KLF5: variants seen among roughly 807,000 people sequenced by gnomAD.
KLF5 encodes KLF transcription factor 5.
Under a neutral mutation model 36.9 loss-of-function variants are expected in KLF5, and 9 were observed. That is an observed-to-expected ratio of 0.24 (90% CI 0.15 to 0.43). The LOEUF is 0.43. Ranked by LOEUF, KLF5 falls within the 20% of genes least tolerant of loss-of-function variation. KLF5 has a pLI of 1.00. For missense variants in KLF5, 524 were observed against 599.5 expected (o/e 0.87, Z 1.31); for synonymous variants, 246 against 241.7 (o/e 1.02, Z -0.17).
chr13:73,075,614 A>T, intron 3 of KLF5, 94 bp from the exon 4 acceptor site: 1 of 1,123,798 alleles, frequency 8.9e-7, no homozygotes, highest in South Asian at 1.9e-5. Flanking sequence ...CGCTTGGCCA[A>T]GATTTTTTTT....
At chr13:73,075,637 C>T (rs1383650959) in intron 3 of KLF5, 71 bp from the exon 4 acceptor site, 9 of 1,273,048 alleles carry the variant, frequency 7.1e-6, no homozygotes, top group African/African-American at 6.0e-5. Flanking sequence ...CTTTGAAATT[C>T]CTTCTCCGGT....
Position 73,076,188 on chromosome 13 carries a change from C to A in KLF5, c.*302C>A. The A allele has an allele frequency of 3.8e-6, 1 of 262,764 alleles. No individual in the cohort carries two copies. The highest frequency in any genetic ancestry group is 7.1e-6 in the Non-Finnish European group (1 of 140,528). 16.3% of individuals were successfully genotyped at this position (262,764 alleles called of 1,614,324 possible). On this transcript the variant is annotated 3_prime_UTR_variant, in exon 4 of 4. Coordinates refer to ENST00000377687, the MANE Select transcript of KLF5 (RefSeq NM_001730.5). Reference sequence around the variant, plus strand: ...GGGTGGGGGTGGAGGGGAGTGTGTGCAGCGTTTTTACCTAGGCACCATCAT... The same window carrying A: ...GGGTGGGGGTGGAGGGGAGTGTGTGAAGCGTTTTTACCTAGGCACCATCAT...
At chr13:73,068,629 A>G (rs959835121) in intron 3 of KLF5, among the ~76,000 whole-genome samples, 1 of 147,866 alleles carries the variant, frequency 6.8e-6, no homozygotes, top group African/African-American at 2.5e-5. Context: ...GTTTGAACCC[A>G]CGAGGCGGAG....
intron 3 of KLF5, among the ~76,000 whole-genome samples, chr13:73,066,640 T>C (rs1427824938): frequency 6.6e-6 from 1 of 152,248 alleles, no homozygotes; most frequent in Non-Finnish European, 1.5e-5. Flanking sequence ...TGAGTTTAAT[T>C]ACTTCTTCTG....
chr13:73,073,083 A>G (rs1404977380), intron 3 of KLF5, among the ~76,000 whole-genome samples: 2 of 152,244 alleles, frequency 1.3e-5, no homozygotes, highest in Non-Finnish European at 2.9e-5. Context: ...TAAAAATCCA[A>G]TTAAACTTTT....
Position 73,059,193 on chromosome 13 carries a change from C to A in KLF5, c.-135C>A. On this transcript the variant is annotated 5_prime_UTR_variant, in exon 1 of 4. Coordinates refer to ENST00000377687, the MANE Select transcript of KLF5 (RefSeq NM_001730.5). ...CGTGCGCGCCTTCGAAAACTGCCTG[C>A]CGCTGTCTGAGGAGTCCACCCGAAA... is the stretch of plus-strand genomic sequence containing the variant. 2 of 796,634 alleles carry A rather than the reference C, an allele frequency of 2.5e-6. No homozygotes were observed. Among genetic ancestry groups the A allele is most frequent in the Non-Finnish European group, 3.4e-6 (2 of 587,226 alleles). 49.3% of individuals were successfully genotyped at this position (796,634 alleles called of 1,614,324 possible).
chr13:73,059,999 C>G (rs1048928487), intron 1 of KLF5, among the ~76,000 whole-genome samples: 1 of 151,762 alleles, frequency 6.6e-6, no homozygotes, highest in Non-Finnish European at 1.5e-5. Flanking sequence ...CCATCCCCAT[C>G]GTCTCGGGTT....
chr13:73,059,676 C>T, intron 1 of KLF5, 88 bp downstream of exon 1: 1 of 1,025,508 alleles, frequency 9.8e-7, no homozygotes, highest in Non-Finnish European at 1.2e-6. Flanking sequence ...GGGGCCGCTC[C>T]AGGCTGGGGC....
chr13:73,061,847 C>G lies in KLF5; in HGVS notation c.262-14C>G, dbSNP rs769389763. The G allele has an allele frequency of 3.1e-6, 5 of 1,604,854 alleles. No individual in the cohort carries two copies. The South Asian group carries it at 4.4e-5, about 14-fold the overall frequency. On this transcript the variant is annotated splice_polypyrimidine_tract_variant and intron_variant, in intron 1 of 3. Transcript: ENST00000377687. Reference sequence around the variant, plus strand: ...ATCAGGTGGATTATGCATTTTATATCTCTTCTTTTTTAGACAAGATGTGAA... The same window carrying G: ...ATCAGGTGGATTATGCATTTTATATGTCTTCTTTTTTAGACAAGATGTGAA...
chr13:73,068,235 T>G (rs1351397596), intron 3 of KLF5, among the ~76,000 whole-genome samples: 1 of 152,234 alleles, frequency 6.6e-6, no homozygotes, highest in Non-Finnish European at 1.5e-5. Flanking sequence ...GGAAGCCTAG[T>G]TTGTAAAGGG....
chr13:73,063,942 CT>C, intron 3 of KLF5, 59 bp downstream of exon 3: 1 of 1,022,484 alleles, frequency 9.8e-7, no homozygotes. Flanking sequence ...GGTATTCATC[CT>C]TTTAAAAGCT....
chr13:73,061,773 G>A (rs2044636692), intron 1 of KLF5, 88 bp from the exon 2 acceptor site: 4 of 1,240,266 alleles, frequency 3.2e-6, no homozygotes, highest in Non-Finnish European at 4.6e-6. Context: ...CACAGGGATT[G>A]GGGGAATTTT....
upstream of KLF5, among the ~76,000 whole-genome samples, chr13:73,058,175 C>T (rs1366586377): frequency 6.6e-6 from 1 of 152,170 alleles, no homozygotes; most frequent in Non-Finnish European, 1.5e-5. Flanking sequence ...GCTAGTCGTG[C>T]TTAAATTAGA....
chr13:73,065,207 A>G (rs1272130457), intron 3 of KLF5, among the ~76,000 whole-genome samples: 3 of 152,206 alleles, frequency 2.0e-5, no homozygotes, highest in Admixed American at 6.5e-5. Context: ...AGATGTTACT[A>G]TGGAAATTGA....
rs761206414 is a variant in KLF5, at chr13:73,062,652, A to G, written c.1053A>G (p.Ser351=). 3.1e-6 allele frequency: 5 copies of G among 1,614,040 alleles called. No individual in the cohort carries two copies. Among genetic ancestry groups the G allele is most frequent in the Non-Finnish European group, 4.2e-6 (5 of 1,180,030 alleles). ...TACCCACCACCCTGCCAGTTAACTC[A>G]CAAAACATCCAACCTGTCAGATACA... The part of the protein sequence containing the change: ...PNLPTTLPVN[S]QNIQPVRYNR... Residue 351 remains serine (S), a synonymous_variant, in exon 2 of 4, where the codon TCA becomes TCG. Transcript: ENST00000377687.
At chr13:73,067,670 C>G (rs2044690032) in intron 3 of KLF5, among the ~76,000 whole-genome samples, 1 of 152,136 alleles carries the variant, frequency 6.6e-6, no homozygotes, top group Non-Finnish European at 1.5e-5. Context: ...ACAACACACA[C>G]TTGGCTCAAG....
intron 3 of KLF5, among the ~76,000 whole-genome samples, chr13:73,064,313 G>A (rs188431995): frequency 5.3e-5 from 8 of 152,202 alleles, no homozygotes; most frequent in African/African-American, 2.4e-5. Context: ...TGGTGAAAAC[G>A]TTAGTTTCAC....
chr13:73,064,122 A>G (rs2044662028), intron 3 of KLF5, among the ~76,000 whole-genome samples: 1 of 151,882 alleles, frequency 6.6e-6, no homozygotes, highest in Non-Finnish European at 1.5e-5. Flanking sequence ...CACCGCTCAG[A>G]GTTGATTACC....
intron 3 of KLF5, among the ~76,000 whole-genome samples, chr13:73,066,104 T>G (rs908887098): frequency 6.6e-6 from 1 of 152,208 alleles, no homozygotes; most frequent in Non-Finnish European, 1.5e-5. Flanking sequence ...TAATAAAGTT[T>G]TGTTTGATAG....
Sources: gnomAD v4.1 joint callset for allele counts (sites outside exome capture counted in the v4.1 genomes callset) on GRCh38, gnomAD v4.1.1 for gene constraint, MANE v1.5 for transcripts, NCBI Gene and HGNC (gene_info 2026-07-23, HGNC 2026-07-21) for gene names.